CACNG2: variants seen among roughly 807,000 people sequenced by gnomAD.
CACNG2 encodes voltage-dependent calcium channel gamma-2 subunit.
CACNG2 carries 3 observed loss-of-function variants against 25.9 expected under a neutral mutation model. The observed-to-expected ratio is 0.12, with a 90% CI of 0.05 to 0.30. CACNG2 has a LOEUF of 0.30. CACNG2 is among the 10% of genes least tolerant of loss of function. The pLI is 1.00. For synonymous variants in CACNG2, 167 were observed against 173.3 expected (o/e 0.96, Z 0.29); for missense variants, 341 against 432.5 (o/e 0.79, Z 1.88).
At position 36,668,043 on chromosome 22, in the gene CACNG2, C is replaced by T. The variant is rs989746589; in HGVS notation, c.211+34323G>A. ...TGAACTCTTCAGATACCGCCACAGT[C>T]TCTGAGGCAGGTGATACTATTAGGT... is the stretch of plus-strand genomic sequence containing the variant. On this transcript the variant is annotated intron_variant, in intron 1 of 3. Transcript: ENST00000300105. Among the ~76,000 whole-genome samples, 14 of 152,340 alleles carry T rather than the reference C, an allele frequency of 9.2e-5. No homozygotes were observed. In the Middle Eastern group the frequency reaches 0.01, roughly 111 times the overall value.
chr22:36,608,428 A>G (rs1343327941), intron 1 of CACNG2, among the ~76,000 whole-genome samples: 2 of 152,234 alleles, frequency 1.3e-5, no homozygotes, highest in Non-Finnish European at 2.9e-5. Flanking sequence ...AATTGCATCG[A>G]GGACAGGGAT....
rs193046040 is a variant in CACNG2, at chr22:36,562,235, G to A, written c.*2116C>T. 6.3e-4 allele frequency: 95 copies of A among 151,804 alleles called. No homozygotes were observed. Among genetic ancestry groups the A allele is most frequent in the Middle Eastern group, 3.4e-3 (1 of 292 alleles). 9.4% of individuals were successfully genotyped at this position (151,804 alleles called of 1,614,324 possible). On this transcript the variant is annotated 3_prime_UTR_variant, in exon 4 of 4. Transcript: ENST00000300105. The stretch of plus-strand genomic sequence containing the variant: ...GTGTGTGTCTGAGAGGCTGACTGAT[G>A]ATGAGCCTGGGGGCTTGGTGGCAGC...
At chr22:36,600,547 AT>A (rs1199790834) in intron 1 of CACNG2, among the ~76,000 whole-genome samples, 1 of 146,882 alleles carries the variant, frequency 6.8e-6, no homozygotes, top group African/African-American at 2.5e-5. Context: ...TGATTTTTAA[AT>A]TTGTTTTTTT....
chr22:36,588,016 C>T (rs1354210580), intron 1 of CACNG2, among the ~76,000 whole-genome samples: 1 of 152,238 alleles, frequency 6.6e-6, no homozygotes, highest in Admixed American at 6.5e-5. Flanking sequence ...TTTAGAAGAG[C>T]CTGCAAAACA....
At chr22:36,696,268 C>T (rs1023694518) in intron 1 of CACNG2, among the ~76,000 whole-genome samples, 48 of 152,114 alleles carry the variant, frequency 3.2e-4, no homozygotes, top group Non-Finnish European at 2.4e-4. Flanking sequence ...TTTCCATTAT[C>T]TTTTTTACTA....
rs568357360 is a variant in CACNG2 at position 36,652,551 on chromosome 22, C to A, written c.211+49815G>T. Among the ~76,000 whole-genome samples, 111 of 152,296 alleles carry A rather than the reference C, an allele frequency of 7.3e-4. 1 individual carries two copies. The highest frequency in any genetic ancestry group is 1.4e-3 in the Non-Finnish European group (97 of 68,018). ...CTCTTTCTGAATCCCTGAACGAAAT[C>A]TCCCATGATCCACTGTAAGAGCAAA... On this transcript the variant is annotated intron_variant, in intron 1 of 3. Transcript: ENST00000300105.
intron 1 of CACNG2, among the ~76,000 whole-genome samples, chr22:36,623,011 GGTTTTTTTTT>G (rs1936131054): frequency 1.1e-5 from 1 of 93,224 alleles, no homozygotes; most frequent in Non-Finnish European, 2.0e-5. Context: ...TCAAAACATG[GGTTTTTTTTT>G]TTTTTTTTTT....
At chr22:36,685,997 C>T (rs776161682) in intron 1 of CACNG2, among the ~76,000 whole-genome samples, 1 of 152,208 alleles carries the variant, frequency 6.6e-6, no homozygotes, top group Non-Finnish European at 1.5e-5. Context: ...GTAAATGTGA[C>T]ACCATCCATG....
At chr22:36,607,710 G>A (rs1439765612) in intron 1 of CACNG2, among the ~76,000 whole-genome samples, 1 of 152,130 alleles carries the variant, frequency 6.6e-6, no homozygotes, top group Non-Finnish European at 1.5e-5. Flanking sequence ...CCATTTCCAG[G>A]CCAAAGACAC....
At chr22:36,575,263 G>C (rs1463450076) in intron 2 of CACNG2, among the ~76,000 whole-genome samples, 1 of 152,220 alleles carries the variant, frequency 6.6e-6, no homozygotes, top group Non-Finnish European at 1.5e-5. Flanking sequence ...AGTATCCTAA[G>C]TGCCCAGGAG....
intron 1 of CACNG2, among the ~76,000 whole-genome samples, chr22:36,626,548 G>T (rs986920864): frequency 6.6e-6 from 1 of 152,024 alleles, no homozygotes; most frequent in African/African-American, 2.4e-5. Context: ...GGGTTTCATT[G>T]GTCTGTTCTC....
chr22:36,605,938 T>A (rs886910188), intron 1 of CACNG2, among the ~76,000 whole-genome samples: 1 of 152,166 alleles, frequency 6.6e-6, no homozygotes, highest in African/African-American at 2.4e-5. Context: ...AGGCGGATAA[T>A]GAATAAACAC....
chr22:36,650,817 G>A (rs1936600378), intron 1 of CACNG2, among the ~76,000 whole-genome samples: 1 of 152,168 alleles, frequency 6.6e-6, no homozygotes, highest in Non-Finnish European at 1.5e-5. Context: ...ACCGCGCCTG[G>A]CCCTCTTTGC....
In CACNG2 at chr22:36,702,556, A is replaced by G; in HGVS notation, c.21T>C (p.Gly7=). ...CAACGGTGGTTAAAAGCATTTGAAC[A>G]CCTCGATCAAACAGCCCCATAATTC... MGLFDR[G]VQMLLTTVGA... is the part of the protein sequence containing the mutation. The change falls in exon 1 of 4, where the codon GGT becomes GGC. Residue 7 remains glycine (G), a synonymous_variant. Transcript: ENST00000300105. The G allele has an allele frequency of 6.2e-7, 1 of 1,613,976 alleles. No individual in the cohort carries two copies. Among genetic ancestry groups the G allele is most frequent in the Non-Finnish European group, 8.5e-7 (1 of 1,179,858 alleles).
chr22:36,610,967 G>A (rs1935931241), intron 1 of CACNG2, among the ~76,000 whole-genome samples: 1 of 152,234 alleles, frequency 6.6e-6, no homozygotes, highest in Non-Finnish European at 1.5e-5. Context: ...TTGCCATTGG[G>A]AAGGCAAACA....
intron 1 of CACNG2, among the ~76,000 whole-genome samples, chr22:36,668,121 C>T (rs73415683): frequency 0.089 from 13,570 of 152,268 alleles, 1,155 homozygotes; most frequent in African/African-American, 0.22. Flanking sequence ...GCCTGCAGCT[C>T]CGCATCCTGA....
At chr22:36,661,558 C>T (rs1334644300) in intron 1 of CACNG2, among the ~76,000 whole-genome samples, 2 of 152,174 alleles carry the variant, frequency 1.3e-5, no homozygotes, top group Non-Finnish European at 2.9e-5. Flanking sequence ...ATTAAGCGAT[C>T]CTGTCATCCC....
chr22:36,676,516 G>A (rs1267929185), intron 1 of CACNG2, among the ~76,000 whole-genome samples: 1 of 152,190 alleles, frequency 6.6e-6, no homozygotes, highest in Non-Finnish European at 1.5e-5. Flanking sequence ...ACTGGCCTAA[G>A]GTCACCAGCT....
chr22:36,655,753 T>C (rs577666283), intron 1 of CACNG2, among the ~76,000 whole-genome samples: 4 of 143,416 alleles, frequency 2.8e-5, no homozygotes, highest in East Asian at 3.9e-4. Context: ...TTTCTTCCTT[T>C]CTTTCTTTCT....
Sources: allele counts gnomAD v4.1 joint callset (sites outside exome capture counted in the v4.1 genomes callset), GRCh38; gene constraint gnomAD v4.1.1; transcripts MANE v1.5; gene names NCBI Gene and HGNC (gene_info 2026-07-23, HGNC 2026-07-21).